TENM4: variants seen among roughly 807,000 people sequenced by gnomAD.
TENM4 encodes the protein teneurin transmembrane protein 4.
TENM4 carries 82 observed loss-of-function variants against 243.3 expected under a neutral mutation model. The ratio of observed to expected loss-of-function variants is 0.34; its 90% CI spans 0.28 to 0.40. The LOEUF (loss-of-function observed/expected upper bound fraction) is 0.40. TENM4 is among the 10% of genes least tolerant of loss of function. The probability of loss-of-function intolerance (pLI) is 1.00; values close to 1 mark genes in which losing one functional copy is unlikely to be tolerated. For synonymous variants in TENM4, 1,412 were observed against 1,456.3 expected, an observed-to-expected ratio of 0.97 and a Z score of 0.69; for missense variants, 3,138 against 3,673.3, an observed-to-expected ratio of 0.85 and a Z score of 3.77.
chr11:78,707,968 C>T (rs1310898252), intron 27 of TENM4, among the ~76,000 whole-genome samples: 1 of 152,258 alleles, frequency 6.6e-6, no homozygotes, highest in Non-Finnish European at 1.5e-5. Context: ...ACCCTGGTTA[C>T]TGACAGCATT....
At chr11:79,381,475 C>T (rs1320312733) in intron 1 of TENM4, among the ~76,000 whole-genome samples, 2 of 151,654 alleles carry the variant, frequency 1.3e-5, no homozygotes, top group Non-Finnish European at 2.9e-5. Context: ...CCCTGTGTTT[C>T]AAGAGTCCCC....
chr11:79,328,277 C>T lies in TENM4; in HGVS notation c.-320-30734G>A, dbSNP rs188886198. 4.1e-3 allele frequency among the ~76,000 whole-genome samples: 617 copies of T among 152,318 alleles called. 3 individuals are homozygous for T. The highest frequency in any genetic ancestry group is 8.0e-3 in the Admixed American group (123 of 15,308). ...TGGCTCAGAAAGATCAAGTGACTTACCCAGGAACCAAGAAGAAAGTGGCAG... is the reference window on the plus strand; with the variant it reads ...TGGCTCAGAAAGATCAAGTGACTTATCCAGGAACCAAGAAGAAAGTGGCAG... On this transcript the variant is annotated intron_variant, in intron 1 of 33. Transcript: ENST00000278550.
At chr11:78,788,948 C>A (rs1010080508) in intron 15 of TENM4, among the ~76,000 whole-genome samples, 2 of 152,146 alleles carry the variant, frequency 1.3e-5, no homozygotes, top group African/African-American at 4.8e-5. Context: ...AAAGCACCCC[C>A]TCCTCTGAGA....
chr11:79,179,358 C>T (rs1863236731), intron 3 of TENM4, among the ~76,000 whole-genome samples: 1 of 152,216 alleles, frequency 6.6e-6, no homozygotes, highest in South Asian at 2.1e-4. Context: ...CACTTATTTG[C>T]ATACTGTCTA....
rs1250534184 is a variant in TENM4, at chr11:79,410,970, C to CAT, written c.-321+29537_-321+29538dup. On this transcript the variant is annotated intron_variant, in intron 1 of 33. Coordinates refer to ENST00000278550, the MANE Select transcript of TENM4 (RefSeq NM_001098816.3). ...CTACACACACATACACACACACACA[C>CAT]ATACAAACACACACTCAAGTGGATA... Among the ~76,000 whole-genome samples the CAT allele has an allele frequency of 1.2e-4, 19 of 152,276 alleles. No individual in the cohort carries two copies. The East Asian group carries it at 3.7e-3, about 29-fold the overall frequency.
chr11:79,057,027 A>G (rs112415874), intron 6 of TENM4, among the ~76,000 whole-genome samples: 17 of 152,306 alleles, frequency 1.1e-4, no homozygotes, highest in African/African-American at 3.8e-4. Flanking sequence ...AGGTACAGGT[A>G]CTACCCTCAC....
intron 6 of TENM4, among the ~76,000 whole-genome samples, chr11:79,043,057 A>C (rs1859576756): frequency 6.6e-6 from 1 of 152,166 alleles, no homozygotes; most frequent in Middle Eastern, 3.2e-3. Flanking sequence ...TCCTGGCTAG[A>C]CTGCCAGCAA....
intron 27 of TENM4, among the ~76,000 whole-genome samples, chr11:78,707,470 C>A (rs1164433861): frequency 6.6e-6 from 1 of 152,260 alleles, no homozygotes; most frequent in East Asian, 1.9e-4. Flanking sequence ...AGGGTCCGTC[C>A]CTTCCTGGAC....
At chr11:79,282,116 A>T (rs1856167135) in intron 2 of TENM4, among the ~76,000 whole-genome samples, 1 of 152,244 alleles carries the variant, frequency 6.6e-6, no homozygotes, top group Non-Finnish European at 1.5e-5. Context: ...CCACAATGAG[A>T]TACCACTTCA....
At chr11:79,196,025 G>T (rs1863619882) in intron 3 of TENM4, among the ~76,000 whole-genome samples, 1 of 152,000 alleles carries the variant, frequency 6.6e-6, no homozygotes, top group African/African-American at 2.4e-5. Context: ...AGATCTGATG[G>T]GTTTATCAGG....
intron 1 of TENM4, among the ~76,000 whole-genome samples, chr11:79,378,613 A>C (rs1857938204): frequency 6.6e-6 from 1 of 152,184 alleles, no homozygotes; most frequent in South Asian, 2.1e-4. Context: ...TGCAGGCTCC[A>C]GACTGCTGGG....
At chr11:79,004,796 A>T (rs1340507009) in intron 6 of TENM4, among the ~76,000 whole-genome samples, 1 of 152,132 alleles carries the variant, frequency 6.6e-6, no homozygotes, top group East Asian at 1.9e-4. Flanking sequence ...CATAAGAAAG[A>T]TCAATGAATC....
At chr11:79,094,161 G>A (rs1861024264) in intron 4 of TENM4, among the ~76,000 whole-genome samples, 1 of 152,182 alleles carries the variant, frequency 6.6e-6, no homozygotes, top group Non-Finnish European at 1.5e-5. Context: ...TGCCTAGAGA[G>A]CACAGGACTG....
At chr11:78,698,811 C>G (rs1356478756) in intron 28 of TENM4, among the ~76,000 whole-genome samples, 1 of 152,230 alleles carries the variant, frequency 6.6e-6, no homozygotes, top group Non-Finnish European at 1.5e-5. Flanking sequence ...TCACATGGCT[C>G]GCAGCCAGTG....
intron 1 of TENM4, among the ~76,000 whole-genome samples, chr11:79,429,040 C>T (rs1053497642): frequency 3.3e-5 from 5 of 152,182 alleles, no homozygotes; most frequent in Admixed American, 6.5e-5. Flanking sequence ...GATTCTAATG[C>T]ACCGCCAGGG....
At chr11:78,658,855 G>C (rs1328375912) in intron 33 of TENM4, 39 bp from the exon 34 acceptor site, 3 of 1,573,154 alleles carry the variant, frequency 1.9e-6, no homozygotes, top group Non-Finnish European at 2.6e-6. Context: ...GTAAGACAAA[G>C]GGGAAAAAAC....
At chr11:79,040,372 T>TGTCCAGCCTCCAGGAGC (rs1859489707) in intron 6 of TENM4, among the ~76,000 whole-genome samples, 1 of 152,176 alleles carries the variant, frequency 6.6e-6, no homozygotes, top group Non-Finnish European at 1.5e-5. Flanking sequence ...TGACTGCCTT[T>TGTCCAGCCTCCAGGAGC]GTCCAGCCTC....
intron 6 of TENM4, among the ~76,000 whole-genome samples, chr11:79,049,527 C>T (rs1345643767): frequency 6.6e-6 from 1 of 152,168 alleles, no homozygotes; most frequent in Non-Finnish European, 1.5e-5. Flanking sequence ...CATAGCAGGC[C>T]GAAGCCTGCA....
intron 12 of TENM4, among the ~76,000 whole-genome samples, chr11:78,845,144 G>A (rs1177046027): frequency 1.3e-5 from 2 of 152,176 alleles, no homozygotes; most frequent in African/African-American, 4.8e-5. Flanking sequence ...CATTATACTA[G>A]AATTATTTAT....
Sources: allele counts gnomAD v4.1 joint callset (sites outside exome capture counted in the v4.1 genomes callset), GRCh38; gene constraint gnomAD v4.1.1; transcripts MANE v1.5; gene names NCBI Gene and HGNC (gene_info 2026-07-23, HGNC 2026-07-21).